Variants in ACOT12 observed in about 807,000 individuals in gnomAD.
ACOT12 encodes the protein acetyl-coenzyme A thioesterase.
ACOT12 carries 51 observed loss-of-function variants against 67.7 expected under a neutral mutation model. The observed-to-expected ratio is 0.75, with a 90% confidence interval of 0.60 to 0.95. The LOEUF (loss-of-function observed/expected upper bound fraction) is 0.95, where lower values mean the gene tolerates loss of function less well. Ranked by LOEUF, ACOT12 falls within the 40% of genes least tolerant of loss-of-function variation. ACOT12 has a pLI of 0.00. For missense variants in ACOT12, 734 were observed against 708.1 expected (o/e 1.04, Z -0.41); for synonymous variants, 251 against 244.6 (o/e 1.03, Z -0.24).
At chr5:81,326,120 T>TC (rs1344146836), downstream of ACOT12, among the ~76,000 whole-genome samples, 1 of 138,148 alleles carries the variant, frequency 7.2e-6, no homozygotes, top group Non-Finnish European at 1.6e-5. Flanking sequence ...TGAGATTCTT[T>TC]TTTTTTTTTT....
intron 5 of ACOT12, among the ~76,000 whole-genome samples, chr5:81,354,060 C>T (rs1759635567): frequency 6.6e-6 from 1 of 152,190 alleles, no homozygotes; most frequent in South Asian, 2.1e-4. Context: ...AGTTCTCTGG[C>T]ACCTTTGCTG....
At chr5:81,315,083 C>T in the ACOT12 span, among the ~76,000 whole-genome samples, 1 of 152,196 alleles carries the variant, frequency 6.6e-6, no homozygotes, top group Non-Finnish European at 1.5e-5. Flanking sequence ...TCCTAAATCT[C>T]CAGCTAGCCC....
chr5:81,325,030 C>T (rs143977918), downstream of ACOT12, among the ~76,000 whole-genome samples: 215 of 152,158 alleles, frequency 1.4e-3, no homozygotes, highest in African/African-American at 5.1e-3. Flanking sequence ...AAAATTAATC[C>T]AGTGGAGGTA....
At chr5:81,383,008 T>C (rs574550341) in intron 2 of ACOT12, among the ~76,000 whole-genome samples, 7 of 152,310 alleles carry the variant, frequency 4.6e-5, no homozygotes, top group Admixed American at 1.3e-4. Context: ...AATTAGCATA[T>C]TACCATGTTT....
chr5:81,308,775 A>G, the ACOT12 span: 73 of 1,550,696 alleles, frequency 4.7e-5, no homozygotes, highest in East Asian at 1.6e-3. Context: ...CACCTTGGGT[A>G]TTTTTTTAAC....
At chr5:81,389,955 A>G (rs1389223532) in intron 1 of ACOT12, among the ~76,000 whole-genome samples, 3 of 129,552 alleles carry the variant, frequency 2.3e-5, no homozygotes, top group Non-Finnish European at 5.0e-5. Context: ...TTATTTATGT[A>G]TTTTTTTTTT....
chr5:81,336,297 A>G (rs1327204525), intron 11 of ACOT12, among the ~76,000 whole-genome samples: 1 of 152,218 alleles, frequency 6.6e-6, no homozygotes, highest in African/African-American at 2.4e-5. Context: ...TCAAAAGAGC[A>G]GAGTCAAGGC....
chr5:81,370,801 A>C (rs1264150403), intron 3 of ACOT12, among the ~76,000 whole-genome samples: 1 of 152,184 alleles, frequency 6.6e-6, no homozygotes, highest in Non-Finnish European at 1.5e-5. Flanking sequence ...CTAACAAATG[A>C]ATACAAACTC....
In ACOT12 at chr5:81,332,565, G is replaced by A. The variant is rs955707296; in HGVS notation, c.1303C>T (p.Leu435=). Residue 435 remains leucine, a synonymous_variant, in exon 13 of 15, where the codon CTG becomes TTG. Transcript: ENST00000307624. ...VIDWVSEDDQ[L]YHITCPILND... is the part of the protein sequence containing the mutation. ...AGTATAGGACAGGTGATGTGATACA[G>A]CTGATCATCTTCACTCACCCAGTCT... 1 of 1,613,972 alleles carries A rather than the reference G, an allele frequency of 6.2e-7. No homozygotes were observed. Among genetic ancestry groups the A allele is most frequent in the Non-Finnish European group, 8.5e-7 (1 of 1,180,012 alleles).
chr5:81,328,658 T>C (rs1758731064), downstream of ACOT12, among the ~76,000 whole-genome samples: 1 of 152,208 alleles, frequency 6.6e-6, no homozygotes, highest in South Asian at 2.1e-4. Context: ...ATTCAGGATA[T>C]GCTGAATGAT....
chr5:81,390,035 G>A lies in ACOT12; in HGVS notation c.127+3953C>T, dbSNP rs1760823803. On this transcript the variant is annotated intron_variant, in intron 1 of 14. Coordinates refer to ENST00000307624, the MANE Select transcript of ACOT12 (RefSeq NM_130767.3). ...AGTGGTGCAATCATGGCTCACTGCA[G>A]CCTCGACCTCCCAGGCTCAAGTCAT... 1.4e-5 allele frequency among the ~76,000 whole-genome samples: 2 copies of A among 147,604 alleles called. 1 individual carries two copies. Among genetic ancestry groups the A allele is most frequent in the Admixed American group, 1.4e-4 (2 of 14,754 alleles).
intron 3 of ACOT12, among the ~76,000 whole-genome samples, chr5:81,368,089 C>T (rs899101086): frequency 6.6e-6 from 1 of 152,072 alleles, no homozygotes; most frequent in African/African-American, 2.4e-5. Context: ...GTCAGGAGTT[C>T]AAGACCAGCC....
At chr5:81,343,612 CTG>C (rs2153848328) in intron 10 of ACOT12, among the ~76,000 whole-genome samples, 1 of 152,338 alleles carries the variant, frequency 6.6e-6, no homozygotes, top group Admixed American at 6.5e-5. Context: ...AGTTTGGGAA[CTG>C]TAAGAAGTCA....
chr5:81,339,070 C>G (rs1759105065), intron 11 of ACOT12, among the ~76,000 whole-genome samples: 1 of 152,156 alleles, frequency 6.6e-6, no homozygotes, highest in African/African-American at 2.4e-5. Flanking sequence ...AAGAGTGAGA[C>G]TCTATCTCAA....
At position 81,376,541 on chromosome 5, in the gene ACOT12, G is replaced by T. The variant is rs1264523304; in HGVS notation, c.198-4731C>A. 5.3e-5 allele frequency among the ~76,000 whole-genome samples: 8 copies of T among 151,786 alleles called. 1 individual carries two copies. Among genetic ancestry groups the T allele is most frequent in the Non-Finnish European group, 8.8e-5 (6 of 67,974 alleles). ...ATGAAAACCCTTCAAAAAAGTCAAT[G>T]AATCCAGAAGCTGTTTTTCTGAAAA... On this transcript the variant is annotated intron_variant, in intron 2 of 14. Transcript: ENST00000307624.
intron 4 of ACOT12, among the ~76,000 whole-genome samples, chr5:81,360,519 C>T (rs1029939320): frequency 6.6e-6 from 1 of 152,208 alleles, no homozygotes; most frequent in African/African-American, 2.4e-5. Context: ...AATTTCATTA[C>T]ATGGTGAAAA....
At chr5:81,373,275 C>T (rs1580582230) in intron 2 of ACOT12, among the ~76,000 whole-genome samples, 1 of 152,164 alleles carries the variant, frequency 6.6e-6, no homozygotes, top group Non-Finnish European at 1.5e-5. Flanking sequence ...CAGGGGATTT[C>T]CCTCCCCTAG....
intron 5 of ACOT12, among the ~76,000 whole-genome samples, chr5:81,351,951 G>C (rs996057519): frequency 1.2e-4 from 18 of 152,116 alleles, no homozygotes; most frequent in Non-Finnish European, 8.8e-5. Context: ...CCAAAGATTT[G>C]AATAGACATT....
intron 2 of ACOT12, among the ~76,000 whole-genome samples, chr5:81,372,384 A>G (rs1421562392): frequency 1.3e-5 from 2 of 152,162 alleles, no homozygotes; most frequent in Non-Finnish European, 2.9e-5. Context: ...CCCTTAGCAG[A>G]AGGTAAGAGG....
Sources: allele counts gnomAD v4.1 joint callset (sites outside exome capture counted in the v4.1 genomes callset), GRCh38; gene constraint gnomAD v4.1.1; transcripts MANE v1.5; gene names NCBI Gene and HGNC (gene_info 2026-07-23, HGNC 2026-07-21).